The following SKOR2 variants were observed in gnomAD, a reference collection of about 807,000 sequenced individuals.
The protein encoded by SKOR2 is LBX1 corepressor 1-like protein.
A neutral mutation model predicts 69.1 loss-of-function variants in SKOR2; 47 were observed. The ratio of observed to expected loss-of-function variants is 0.68; its 90% CI spans 0.54 to 0.87. The LOEUF (loss-of-function observed/expected upper bound fraction) is 0.87. Ranked by LOEUF, SKOR2 falls within the 40% of genes least tolerant of loss-of-function variation. The probability of loss-of-function intolerance (pLI) is 0.00; values close to 1 mark genes in which losing one functional copy is unlikely to be tolerated. For missense variants in SKOR2, 1,404 were observed against 1,472.2 expected, an observed-to-expected ratio of 0.95 and a Z score of 0.76; for synonymous variants, 717 against 672.6, an observed-to-expected ratio of 1.07 and a Z score of -1.02.
intron 1 of SKOR2, among the ~76,000 whole-genome samples, chr18:47,250,855 A>G (rs1468906900): frequency 2.0e-5 from 3 of 152,162 alleles, no homozygotes; most frequent in Admixed American, 2.0e-4. Context: ...TACAACCAAC[A>G]CTAGCTTCGT....
chr18:47,210,422 A>G (rs963337458), intron 8 of SKOR2, among the ~76,000 whole-genome samples: 16 of 152,186 alleles, frequency 1.1e-4, no homozygotes, highest in Non-Finnish European at 5.9e-5. Flanking sequence ...GTATGACTTT[A>G]TGATTTATAA....
At chr18:47,223,864 AT>A (rs2064169536) in intron 6 of SKOR2, among the ~76,000 whole-genome samples, 1 of 151,468 alleles carries the variant, frequency 6.6e-6, no homozygotes, top group African/African-American at 2.4e-5. Context: ...AAGATTGTTA[AT>A]TGGCAAACAT....
intron 2 of SKOR2, among the ~76,000 whole-genome samples, chr18:47,246,282 G>A (rs928472126): frequency 6.6e-6 from 1 of 152,106 alleles, no homozygotes; most frequent in African/African-American, 2.4e-5. Context: ...TTAGAGGAAG[G>A]ACCAGGTCAA....
At chr18:47,245,608 C>G in intron 2 of SKOR2, 47 bp from the exon 3 acceptor site, 1 of 1,461,348 alleles carries the variant, frequency 6.8e-7, no homozygotes, top group Non-Finnish European at 9.0e-7. Flanking sequence ...CGGATCAAAC[C>G]ATATGCTAAT....
rs1455040371 is a variant in SKOR2, at chr18:47,248,348, G to A, written c.836C>T (p.Pro279Leu). 12 of 1,255,412 alleles carry A rather than the reference G, an allele frequency of 9.6e-6. No individual in the cohort carries two copies. The highest frequency in any genetic ancestry group is 1.2e-5 in the Non-Finnish European group (12 of 1,008,038). The allele number at this position is 1,255,412 out of a possible 1,614,324, so 77.8% of individuals were successfully genotyped here. A position where few individuals can be genotyped will look rare whatever the true frequency, so the allele number is the denominator to read the frequency against. ...CGGCGGGGGCGCACCCAGCAGGTGGGGGCCCAGCAGACCCCCGCCTCCGGC... is the reference window on the plus strand; with the variant it reads ...CGGCGGGGGCGCACCCAGCAGGTGGAGGCCCAGCAGACCCCCGCCTCCGGC... ...AVAGGGGLLG[P>L]HLLGAPPPPP... The change falls in exon 2 of 9, where the codon CCC becomes CTC. Residue 279 changes from proline to leucine, a missense_variant. Physicochemically the swap from Pro to Leu is moderately conservative, Grantham distance 98. Coordinates refer to ENST00000425639, the MANE Select transcript of SKOR2 (RefSeq NM_001278063.4). The surrounding 1 kb of genome is among the most constrained non-coding windows in gnomAD (Gnocchi z 6.4).
intron 7 of SKOR2, among the ~76,000 whole-genome samples, chr18:47,217,948 T>C (rs892392920): frequency 1.3e-5 from 2 of 152,214 alleles, no homozygotes; most frequent in Non-Finnish European, 2.9e-5. Context: ...TTTGTCTAGA[T>C]AGATGAATAC....
chr18:47,221,459 G>A (rs972973013), intron 6 of SKOR2, among the ~76,000 whole-genome samples: 3 of 152,160 alleles, frequency 2.0e-5, no homozygotes, highest in Non-Finnish European at 2.9e-5. Flanking sequence ...GGCTGCAGCC[G>A]AGGGCACGGA....
chr18:47,247,267 C>T lies in SKOR2; in HGVS notation c.1917G>A (p.Leu639=). ...GGGGCGCGCCCGCCGACGCCCCGTG[C>T]AGCTTGGCCAGGCTCTCCGCGTCGT... The part of the protein sequence containing the change: ...GKDDAESLAK[L]HGASAGAPHS... Residue 639 remains leucine (L), a synonymous_variant, in exon 2 of 9, where the codon CTG becomes CTA. Transcript: ENST00000425639. The surrounding 1 kb of genome is among the most constrained non-coding windows in gnomAD (Gnocchi z 6.6). The T allele has an allele frequency of 2.0e-6, 3 of 1,480,760 alleles. No homozygotes were observed. The highest frequency in any genetic ancestry group is 3.0e-5 in the East Asian group (1 of 33,876). 91.7% of individuals were successfully genotyped at this position (1,480,760 alleles called of 1,614,324 possible).
chr18:47,215,255 A>G lies in SKOR2; in HGVS notation c.2986-3104T>C, dbSNP rs573353956. On this transcript the variant is annotated intron_variant, in intron 7 of 8. Transcript: ENST00000425639. ...GCTTGCATTAAGTCTTCTGACTTGC[A>G]GGGATCTCCTTTTGATGCATATTTA... 4.4e-3 allele frequency among the ~76,000 whole-genome samples: 672 copies of G among 152,326 alleles called. 2 individuals carry two copies. Among genetic ancestry groups the G allele is most frequent in the African/African-American group, 0.015 (636 of 41,572 alleles).
Position 47,250,913 on chromosome 18 carries a change from C to A in SKOR2, c.-48+461G>T, listed in dbSNP as rs79272990. Among the ~76,000 whole-genome samples the A allele has an allele frequency of 5.5e-4, 83 of 152,220 alleles. 1 individual carries two copies. The East Asian group carries it at 0.016, about 29-fold the overall frequency. On this transcript the variant is annotated intron_variant, in intron 1 of 8. Coordinates refer to ENST00000425639, the MANE Select transcript of SKOR2 (RefSeq NM_001278063.4). ...TTCCCTACCAAACAAGATTCATATC[C>A]GCTTAATAAGACCCTGGGATAATTC...
chr18:47,250,322 A>G (rs1359215876), intron 1 of SKOR2, among the ~76,000 whole-genome samples: 1 of 152,230 alleles, frequency 6.6e-6, no homozygotes, highest in Non-Finnish European at 1.5e-5. Flanking sequence ...CCTCCAGTCA[A>G]CAGAATGCCA....
chr18:47,220,310 A>G (rs1006700094), intron 6 of SKOR2, among the ~76,000 whole-genome samples: 3 of 152,066 alleles, frequency 2.0e-5, no homozygotes, highest in Non-Finnish European at 2.9e-5. Context: ...ACCTTTGCAC[A>G]CTTGTGCAAA....
Position 47,247,815 on chromosome 18 carries a change from C to T in SKOR2, c.1369G>A (p.Ala457Thr). The T allele has an allele frequency of 7.2e-7, 1 of 1,398,526 alleles. No homozygotes were observed. The highest frequency in any genetic ancestry group is 3.3e-5 in the Admixed American group (1 of 30,062). The allele number at this position is 1,398,526 out of a possible 1,614,324, so 86.6% of individuals were successfully genotyped here. The change falls in exon 2 of 9, where the codon GCG becomes ACG. Residue 457 changes from alanine to threonine, a missense_variant. Physicochemically the swap from Ala to Thr is moderately conservative, Grantham distance 58. Around this residue, in one of 3 missense-constraint regions of SKOR2, gnomAD observed 1,266 missense variants for 1,309.9 expected, o/e 0.97. Transcript: ENST00000425639. This position sits in a 1 kb window ranked among gnomAD's most constrained non-coding sequence, Gnocchi z 6.6. ...GGATAGAAGGCGTCCTTGCGGCCCG[C>T]GGGCCAGAAGAGGCCGGACAAGCCG... ...KAGLSGLFWP[A>T]GRKDAFYPPF...
intron 1 of SKOR2, among the ~76,000 whole-genome samples, chr18:47,250,970 G>A (rs899614286): frequency 1.3e-5 from 2 of 151,980 alleles, no homozygotes; most frequent in African/African-American, 4.8e-5. Flanking sequence ...GCGCGCGGCT[G>A]GCCAGCCGGG....
At chr18:47,231,912 G>A (rs183898469) in intron 4 of SKOR2, among the ~76,000 whole-genome samples, 5 of 151,842 alleles carry the variant, frequency 3.3e-5, no homozygotes, top group Admixed American at 1.3e-4. Context: ...AGGCTGAGGC[G>A]GGAGGATTGC....
intron 4 of SKOR2, among the ~76,000 whole-genome samples, chr18:47,240,392 G>T (rs996522182): frequency 6.6e-6 from 1 of 152,200 alleles, no homozygotes; most frequent in Non-Finnish European, 1.5e-5. Context: ...TGGAAATACT[G>T]TCATTTATAT....
At chr18:47,213,951 G>A (rs1173044456) in intron 7 of SKOR2, among the ~76,000 whole-genome samples, 1 of 152,142 alleles carries the variant, frequency 6.6e-6, no homozygotes, top group Non-Finnish European at 1.5e-5. Context: ...TTCTCTAGAT[G>A]CATGACATGA....
chr18:47,247,627 A>C lies in SKOR2; in HGVS notation c.1557T>G (p.Ala519=). The change falls in exon 2 of 9, where the codon GCT becomes GCG. Residue 519 remains alanine, a synonymous_variant. Transcript: ENST00000425639. This position sits in a 1 kb window ranked among gnomAD's most constrained non-coding sequence, Gnocchi z 6.6. ...GGGGCGCGGCCTCGGCGCTCCCAGC[A>C]GCACCGCCTGGCTCAGCCAGGTCCA... ...AFLDLAEPGG[A]AGSAEAAPPP... is the part of the protein sequence containing the mutation. 1 of 1,330,294 alleles carries C rather than the reference A, an allele frequency of 7.5e-7. No individual in the cohort carries two copies. Among genetic ancestry groups the C allele is most frequent in the Non-Finnish European group, 9.6e-7 (1 of 1,043,682 alleles). 82.4% of individuals were successfully genotyped at this position (1,330,294 alleles called of 1,614,324 possible).
intron 4 of SKOR2, 38 bp from the exon 5 acceptor site, chr18:47,231,038 T>C (rs2064196059): frequency 6.5e-7 from 1 of 1,535,252 alleles, no homozygotes; most frequent in Admixed American, 2.0e-5. Context: ...TAGTTTTGTG[T>C]AGGCTAGTTC....
Sources: gnomAD v4.1 joint callset for allele counts (sites outside exome capture counted in the v4.1 genomes callset) on GRCh38, gnomAD v4.1.1 for gene constraint, gnomAD v4.1.1 regional missense constraint, Gnocchi (gnomAD v3.1) non-coding constraint, MANE v1.5 for transcripts, NCBI Gene and HGNC (gene_info 2026-07-23, HGNC 2026-07-21) for gene names.